ANKRD24: variants seen among roughly 807,000 people sequenced by gnomAD.
ANKRD24 encodes ankyrin repeat domain-containing protein 24.
A neutral mutation model predicts 127.8 loss-of-function variants in ANKRD24; 109 were observed. That is an observed-to-expected ratio of 0.85 (90% CI 0.73 to 1.00). The LOEUF (loss-of-function observed/expected upper bound fraction) is 1.00. Ranked by LOEUF, ANKRD24 falls within the 50% of genes least tolerant of loss-of-function variation. The probability of loss-of-function intolerance (pLI) is 0.00; values close to 1 mark genes in which losing one functional copy is unlikely to be tolerated. For missense variants in ANKRD24, 1,648 were observed against 1,570.2 expected (o/e 1.05, Z -0.84); for synonymous variants, 743 against 671.1 (o/e 1.11, Z -1.66).
chr19:4,209,179 T>G (rs2145335981), intron 11 of ANKRD24, among the ~76,000 whole-genome samples: 1 of 152,220 alleles, frequency 6.6e-6, no homozygotes, highest in Non-Finnish European at 1.5e-5. Context: ...GGCTCGATCT[T>G]GGCTCACTGC....
rs767958452 is a variant in ANKRD24, at chr19:4,202,017, C to T, written c.344-9C>T. On this transcript the variant is annotated splice_polypyrimidine_tract_variant and intron_variant, in intron 5 of 21. Coordinates refer to ENST00000318934, the MANE Select transcript of ANKRD24 (RefSeq NM_001393985.1). Reference sequence around the variant, plus strand: ...CTGGAGCTCCAGTAAATCTTCTTTCCTTCCCCAGGTTACAATGCCCTCCAC... The same window carrying T: ...CTGGAGCTCCAGTAAATCTTCTTTCTTTCCCCAGGTTACAATGCCCTCCAC... 1 of 1,613,718 alleles carries T rather than the reference C, an allele frequency of 6.2e-7. No individual in the cohort carries two copies. The highest frequency in any genetic ancestry group is 1.1e-5 in the South Asian group (1 of 91,088).
rs1453167781 is a variant in ANKRD24, at chr19:4,222,769, G to A, written c.3271G>A (p.Val1091Met). 6 of 1,610,706 alleles carry A rather than the reference G, an allele frequency of 3.7e-6. No homozygotes were observed. The highest frequency in any genetic ancestry group is 2.2e-5 in the South Asian group (2 of 90,722). Reference protein sequence around the residue: ...TPEVEALRDQVKDLQQQLQEA... With the variant: ...TPEVEALRDQMKDLQQQLQEA... The stretch of plus-strand genomic sequence containing the variant: ...TGAGGTGGAGGCTCTCCGTGACCAG[G>A]TGAAGGATTTACAGCAGCAGCTGCA... The change falls in exon 20 of 22, where the codon GTG becomes ATG. Residue 1091 changes from valine to methionine, a missense_variant. Physicochemically the swap from Val to Met is conservative, Grantham distance 21. Coordinates refer to ENST00000318934, the MANE Select transcript of ANKRD24 (RefSeq NM_001393985.1).
intron 21 of ANKRD24, 112 bp from the exon 22 acceptor site, chr19:4,224,316 C>T (rs1325986480): frequency 2.1e-6 from 3 of 1,410,990 alleles, no homozygotes; most frequent in African/African-American, 1.4e-5. Flanking sequence ...CATGTGGGAG[C>T]CCCCCTGTGT....
chr19:4,217,303 G>A lies in ANKRD24; in HGVS notation c.2143G>A (p.Ala715Thr), dbSNP rs766420156. 9.0e-6 allele frequency: 14 copies of A among 1,553,966 alleles called. No individual in the cohort carries two copies. The highest frequency in any genetic ancestry group is 1.7e-4 in the Middle Eastern group (1 of 5,990). ...SAGPILHPGA[A>T]EASEKLQVEL... ...TGGCCCCATCCTACATCCTGGTGCC[G>A]CAGAGGCCTCGGAAAAGCTTCAAGT... The change falls in exon 18 of 22, where the codon GCA becomes ACA. Residue 715 changes from alanine to threonine, a missense_variant. Coordinates refer to ENST00000318934, the MANE Select transcript of ANKRD24 (RefSeq NM_001393985.1).
At chr19:4,204,852 A>G (rs1969295511) in intron 7 of ANKRD24, among the ~76,000 whole-genome samples, 1 of 152,200 alleles carries the variant, frequency 6.6e-6, no homozygotes, top group African/African-American at 2.4e-5. Flanking sequence ...CAGTTAACTG[A>G]GCACTCTGGG....
In ANKRD24 at chr19:4,216,382, G is replaced by A; in HGVS notation, c.1369G>A (p.Glu457Lys). The change falls in exon 17 of 22, where the codon GAA becomes AAA. Residue 457 changes from glutamate to lysine, a missense_variant. By Grantham distance (56) the Glu-to-Lys change is moderately conservative. Transcript: ENST00000318934. Reference sequence around the variant, plus strand: ...GGCTGTGCTCACCAGACAGAACCAGGAACTGATGGAGAAGGTCCAGGTAGG... The same window carrying A: ...GGCTGTGCTCACCAGACAGAACCAGAAACTGATGGAGAAGGTCCAGGTAGG... ...QVAVLTRQNQ[E>K]LMEKVQILEN... 6.4e-7 allele frequency: 1 copy of A among 1,572,062 alleles called. No individual in the cohort carries two copies. The highest frequency in any genetic ancestry group is 2.4e-5 in the East Asian group (1 of 42,458).
intron 18 of ANKRD24, 21 bp downstream of exon 18, chr19:4,218,184 C>T: frequency 7.0e-7 from 1 of 1,431,084 alleles, no homozygotes; most frequent in Non-Finnish European, 9.2e-7. Flanking sequence ...CTGGTCACCA[C>T]CCGGGCCCCA....
intron 2 of ANKRD24, among the ~76,000 whole-genome samples, chr19:4,196,524 G>A (rs1042415520): frequency 7.2e-5 from 11 of 152,054 alleles, no homozygotes; most frequent in African/African-American, 1.7e-4. Flanking sequence ...ACAGGCGCCC[G>A]CTACCACACC....
At chr19:4,193,139 A>G (rs572701631) in intron 2 of ANKRD24, among the ~76,000 whole-genome samples, 2 of 151,512 alleles carry the variant, frequency 1.3e-5, no homozygotes, top group East Asian at 3.9e-4. Context: ...CGTATCTACT[A>G]AAAAATACAA....
At chr19:4,185,958 T>C (rs967059498) in intron 1 of ANKRD24, among the ~76,000 whole-genome samples, 1 of 152,040 alleles carries the variant, frequency 6.6e-6, no homozygotes, top group Non-Finnish European at 1.5e-5. Context: ...GAACTGGGCT[T>C]TGAAGGATGA....
intron 19 of ANKRD24, among the ~76,000 whole-genome samples, chr19:4,219,976 A>G (rs1319619961): frequency 6.6e-6 from 1 of 152,128 alleles, no homozygotes; most frequent in East Asian, 1.9e-4. Flanking sequence ...CCACAGTTAC[A>G]TTTATTTTAT....
At chr19:4,206,431 C>T (rs979528471) in intron 7 of ANKRD24, among the ~76,000 whole-genome samples, 31 of 151,340 alleles carry the variant, frequency 2.0e-4, no homozygotes, top group African/African-American at 7.0e-4. Context: ...GCCTGGGCAA[C>T]GTAGCAAGAC....
intron 13 of ANKRD24, among the ~76,000 whole-genome samples, chr19:4,211,408 G>A (rs1353915770): frequency 1.3e-5 from 2 of 151,824 alleles, no homozygotes; most frequent in Non-Finnish European, 2.9e-5. Context: ...GGAGGTTGAG[G>A]TGGGCAGATC....
At position 4,200,035 on chromosome 19, in the gene ANKRD24, G is replaced by A; in HGVS notation, c.254+30G>A. The A allele has an allele frequency of 3.8e-6, 6 of 1,567,084 alleles. No homozygotes were observed. The South Asian group carries it at 7.0e-5, about 18-fold the overall frequency. The stretch of plus-strand genomic sequence containing the variant: ...GTGCCCGCGACCCGGGAGTGAGATG[G>A]CTGAGGGGTGGCAACCTTGCGGCTG... On this transcript the variant is annotated intron_variant, in intron 4 of 21. Coordinates refer to ENST00000318934, the MANE Select transcript of ANKRD24 (RefSeq NM_001393985.1).
chr19:4,210,082 C>A lies in ANKRD24; in HGVS notation c.895C>A (p.Gln299Lys). Residue 299 changes from glutamine (Q) to lysine (K), a missense_variant, in exon 12 of 22, where the codon CAG (glutamine) becomes AAG (lysine). Transcript: ENST00000318934. The part of the protein sequence containing the change: ...SQNSMSSHGK[Q>K]GAPKKRKAPP... ...GAACTCTATGTCCAGCCATGGAAAG[C>A]AGGGGGCCCCCAAGAAGCGGAAGGC... The A allele has an allele frequency of 1.2e-6, 2 of 1,612,478 alleles. No homozygotes were observed. Among genetic ancestry groups the A allele is most frequent in the Non-Finnish European group, 1.7e-6 (2 of 1,179,398 alleles).
At chr19:4,208,669 G>A in intron 10 of ANKRD24, 95 bp from the exon 11 acceptor site, 2 of 1,236,444 alleles carry the variant, frequency 1.6e-6, no homozygotes, top group Non-Finnish European at 1.1e-6. Flanking sequence ...TGATTCTTGG[G>A]GAAATCGGGA....
chr19:4,186,512 T>G, intron 2 of ANKRD24, 51 bp downstream of exon 2: 1 of 1,560,812 alleles, frequency 6.4e-7, no homozygotes, highest in South Asian at 1.2e-5. Context: ...TTCAGCCTTC[T>G]GTCTCCTGGG....
chr19:4,217,460 G>T lies in ANKRD24; in HGVS notation c.2300G>T (p.Arg767Leu). Reference protein sequence around the residue: ...AEAEAGRLRERVREAEGSGAS... With the variant: ...AEAEAGRLRELVREAEGSGAS... ...GCCGAGGCAGGCCGGCTGCGAGAGC[G>T]TGTCCGCGAGGCCGAGGGCAGCGGG... The change falls in exon 18 of 22, where the codon CGT becomes CTT. Residue 767 changes from arginine (R) to leucine (L), a missense_variant. Coordinates refer to ENST00000318934, the MANE Select transcript of ANKRD24 (RefSeq NM_001393985.1). 6.7e-7 allele frequency: 1 copy of T among 1,496,342 alleles called. No individual in the cohort carries two copies. The highest frequency in any genetic ancestry group is 2.3e-4 in the Middle Eastern group (1 of 4,430). 92.7% of individuals were successfully genotyped at this position (1,496,342 alleles called of 1,614,324 possible).
chr19:4,210,676 C>T (rs1969672606), intron 13 of ANKRD24, among the ~76,000 whole-genome samples: 1 of 152,088 alleles, frequency 6.6e-6, no homozygotes, highest in African/African-American at 2.4e-5. Context: ...CTCTTTACCT[C>T]ACCTACTTTA....
Sources: gnomAD v4.1 joint callset for allele counts (sites outside exome capture counted in the v4.1 genomes callset) on GRCh38, gnomAD v4.1.1 for gene constraint, MANE v1.5 for transcripts, NCBI Gene and HGNC (gene_info 2026-07-23, HGNC 2026-07-21) for gene names.